Variants in FKBP15 observed in about 807,000 individuals in gnomAD.
The protein encoded by FKBP15 is FK506-binding protein 15.
Under a neutral mutation model 158.1 loss-of-function variants are expected in FKBP15, and 106 were observed. That is an observed-to-expected ratio of 0.67 (90% confidence interval 0.57 to 0.79). FKBP15 has a LOEUF of 0.79. Among genes scored for constraint, FKBP15 ranks in the 30% least tolerant of loss-of-function variants. The pLI, the probability that FKBP15 is intolerant of heterozygous loss-of-function variation, is 0.00. For missense variants in FKBP15, 1,287 were observed against 1,479.1 expected (o/e 0.87, Z 2.13); for synonymous variants, 547 against 548.6 (o/e 1.00, Z 0.04).
chr9:113,196,985 C>A lies in FKBP15; in HGVS notation c.811G>T (p.Gly271Cys). Residue 271 changes from glycine to cysteine, a missense_variant, in exon 9 of 28, where the codon GGC becomes TGC. Transcript: ENST00000238256. ...ATCGAGTCCGTTGCTTGAGTCCAGC[C>A]TATTACCCCTTCTGAGCCAACAGCA... ...ACAVGSEGVI[G>C]WTQATDSILV... is the part of the protein sequence containing the mutation. The A allele has an allele frequency of 1.2e-6, 2 of 1,613,998 alleles. No individual in the cohort carries two copies. The highest frequency in any genetic ancestry group is 1.6e-4 in the Middle Eastern group (1 of 6,062).
chr9:113,206,687 C>G, intron 3 of FKBP15, 109 bp from the exon 4 acceptor site: 1 of 675,020 alleles, frequency 1.5e-6, no homozygotes, highest in Non-Finnish European at 2.4e-6. Flanking sequence ...AGCCTCTAGG[C>G]AGGGACACAG....
intron 19 of FKBP15, among the ~76,000 whole-genome samples, chr9:113,181,343 C>A (rs751403213): frequency 6.6e-6 from 1 of 152,080 alleles, no homozygotes; most frequent in Non-Finnish European, 1.5e-5. Flanking sequence ...CCAAACTGAC[C>A]TATTATTTTT....
intron 11 of FKBP15, among the ~76,000 whole-genome samples, chr9:113,192,772 C>G (rs1443201575): frequency 6.6e-6 from 1 of 152,146 alleles, no homozygotes; most frequent in East Asian, 1.9e-4. Context: ...TTGAGATAGG[C>G]AATATCTCCA....
Position 113,169,285 on chromosome 9 carries a change from C to T in FKBP15, c.3424G>A (p.Glu1142Lys), listed in dbSNP as rs1270885268. Residue 1142 changes from glutamate to lysine, a missense_variant, in exon 26 of 28, where the codon GAG (glutamate) becomes AAG (lysine). Coordinates refer to ENST00000238256, the MANE Select transcript of FKBP15 (RefSeq NM_015258.2). ...GCTCCTGCAACTGTGGAACCTGCCTCTGTGCTTGACAGCTCCTTGTGGGGA... is the reference window on the plus strand; with the variant it reads ...GCTCCTGCAACTGTGGAACCTGCCTTTGTGCTTGACAGCTCCTTGTGGGGA... ...TGPHKELSST[E>K]AGSTVAGAAL... The T allele has an allele frequency of 6.2e-7, 1 of 1,614,048 alleles. No individual in the cohort carries two copies. The highest frequency in any genetic ancestry group is 1.1e-5 in the South Asian group (1 of 91,090).
chr9:113,179,168 C>T (rs899564765), intron 19 of FKBP15, among the ~76,000 whole-genome samples: 8 of 152,036 alleles, frequency 5.3e-5, no homozygotes, highest in Non-Finnish European at 7.4e-5. Context: ...TAGCTGGGAC[C>T]ACAGGTGCAA....
chr9:113,211,480 T>C lies in FKBP15; in HGVS notation c.166A>G (p.Thr56Ala), dbSNP rs749622604. 3.7e-6 allele frequency: 6 copies of C among 1,605,086 alleles called. No individual in the cohort carries two copies. In the African/African-American group the frequency reaches 4.0e-5, roughly 11 times the overall value. ...QPKKGQGTAA[T>A]GNQATPKTAP... ...GGCTAATACACTCTTAACTTACCTG[T>C]TGCTGCCGTTCCCTGGCCTTTCTTA... Residue 56 changes from threonine to alanine, a missense_variant, in exon 2 of 28, where the codon ACA becomes GCA. Physicochemically the swap from Thr to Ala is moderately conservative, Grantham distance 58. Transcript: ENST00000238256.
rs986277924 is a variant in FKBP15, at chr9:113,215,244, A to G, written c.54-3652T>C. ...TTCCTCACAAAGCTTAATCATTTCT[A>G]CTTTTTTTAAAGCAAGAGATGTGCA... On this transcript the variant is annotated intron_variant, in intron 1 of 27. Transcript: ENST00000238256. Among the ~76,000 whole-genome samples the G allele has an allele frequency of 2.1e-4, 32 of 152,084 alleles. 1 individual carries two copies. Among genetic ancestry groups the G allele is most frequent in the Admixed American group, 2.0e-3 (31 of 15,254 alleles).
At position 113,184,132 on chromosome 9, in the gene FKBP15, G is replaced by C. The variant is rs974015604; in HGVS notation, c.1716+160C>G. On this transcript the variant is annotated intron_variant, in intron 17 of 27. Coordinates refer to ENST00000238256, the MANE Select transcript of FKBP15 (RefSeq NM_015258.2). The surrounding 1 kb of genome is among the most constrained non-coding windows in gnomAD (Gnocchi z 4.5). ...CAGAATATATAGTGATAAGTCACTT[G>C]GACAGAATTAAGCCATAATGGATTT... Among the ~76,000 whole-genome samples, 5 of 152,176 alleles carry C rather than the reference G, an allele frequency of 3.3e-5. No individual in the cohort carries two copies. The highest frequency in any genetic ancestry group is 3.3e-4 in the Admixed American group (5 of 15,276).
At chr9:113,181,754 G>A (rs1439414567) in intron 19 of FKBP15, among the ~76,000 whole-genome samples, 1 of 152,122 alleles carries the variant, frequency 6.6e-6, no homozygotes, top group Non-Finnish European at 1.5e-5. Flanking sequence ...CAAACAAAAG[G>A]AGTAAAGGAA....
rs1200485696 is a variant in FKBP15 at position 113,184,443 on chromosome 9, T to C, written c.1609-44A>G. ...AAAGACCTTGTGAGAAATTATAAAA[T>C]GAAGAAATACAATTTACCCAAGATT... On this transcript the variant is annotated intron_variant, in intron 16 of 27. Transcript: ENST00000238256. This position sits in a 1 kb window ranked among gnomAD's most constrained non-coding sequence, Gnocchi z 4.5. 1 of 1,432,980 alleles carries C rather than the reference T, an allele frequency of 7.0e-7. No homozygotes were observed. The highest frequency in any genetic ancestry group is 9.7e-7 in the Non-Finnish European group (1 of 1,036,254). The allele number at this position is 1,432,980 out of a possible 1,614,324, so 88.8% of individuals were successfully genotyped here.
At chr9:113,171,106 C>T (rs1203516069) in intron 24 of FKBP15, among the ~76,000 whole-genome samples, 1 of 152,168 alleles carries the variant, frequency 6.6e-6, no homozygotes, top group African/African-American at 2.4e-5. Flanking sequence ...TTTGTTTTCC[C>T]ACTAGGCTGT....
At chr9:113,206,705 G>C (rs1806142321) in intron 3 of FKBP15, 127 bp from the exon 4 acceptor site, 2 of 524,994 alleles carry the variant, frequency 3.8e-6, no homozygotes, top group South Asian at 5.0e-5. Flanking sequence ...CAGGTGAGCG[G>C]TTTAAAATTT....
chr9:113,208,264 G>T (rs1369723344), intron 2 of FKBP15, among the ~76,000 whole-genome samples: 1 of 152,172 alleles, frequency 6.6e-6, no homozygotes, highest in Admixed American at 6.5e-5. Flanking sequence ...TTGAGCCTGG[G>T]AGGCAGAGGT....
At chr9:113,186,030 T>C (rs1052412535) in intron 15 of FKBP15, among the ~76,000 whole-genome samples, 3 of 152,194 alleles carry the variant, frequency 2.0e-5, no homozygotes, top group Non-Finnish European at 4.4e-5. Context: ...AATAGGATTG[T>C]AGTGATGAAT....
chr9:113,207,067 T>A, intron 3 of FKBP15, 145 bp downstream of exon 3: 1 of 654,322 alleles, frequency 1.5e-6, no homozygotes, highest in Admixed American at 2.6e-5. Context: ...AATCTCCAAT[T>A]CAGATGTTAA....
At chr9:113,170,286 C>T (rs942381392) in intron 25 of FKBP15, among the ~76,000 whole-genome samples, 3 of 152,010 alleles carry the variant, frequency 2.0e-5, no homozygotes, top group Admixed American at 1.3e-4. Context: ...CCACCATACC[C>T]GGCTAATTTT....
At chr9:113,172,081 G>A (rs1830224428) in intron 23 of FKBP15, among the ~76,000 whole-genome samples, 1 of 145,076 alleles carries the variant, frequency 6.9e-6, no homozygotes, top group African/African-American at 2.6e-5. Flanking sequence ...TCCCACCTAT[G>A]AGTGAGAACA....
chr9:113,207,237 C>T lies in FKBP15; in HGVS notation c.229G>A (p.Ala77Thr), dbSNP rs551093760. 9 of 1,612,966 alleles carry T rather than the reference C, an allele frequency of 5.6e-6. No homozygotes were observed. Among genetic ancestry groups the T allele is most frequent in the East Asian group, 4.5e-5 (2 of 44,880 alleles). Residue 77 changes from alanine to threonine, a missense_variant, in exon 3 of 28, where the codon GCA (alanine) becomes ACA (threonine). Transcript: ENST00000238256. Reference protein sequence around the residue: ...ATMSTPTILVATAVHAYRYTN... With the variant: ...ATMSTPTILVTTAVHAYRYTN... ...TATCGATATGCATGGACTGCTGTTGCGACCAGTATTGTGGGAGTGCTCATG... is the reference window on the plus strand; with the variant it reads ...TATCGATATGCATGGACTGCTGTTGTGACCAGTATTGTGGGAGTGCTCATG...
intron 1 of FKBP15, among the ~76,000 whole-genome samples, chr9:113,213,500 G>A (rs1831057136): frequency 6.6e-6 from 1 of 151,866 alleles, no homozygotes; most frequent in African/African-American, 2.4e-5. Context: ...ACTGAGCCCA[G>A]GAGTTTGAGA....
Sources: allele counts gnomAD v4.1 joint callset (sites outside exome capture counted in the v4.1 genomes callset), GRCh38; gene constraint gnomAD v4.1.1; non-coding constraint Gnocchi (gnomAD v3.1); transcripts MANE v1.5; gene names NCBI Gene and HGNC (gene_info 2026-07-23, HGNC 2026-07-21).